Variants in SNX6 observed in about 807,000 individuals in gnomAD.
SNX6 encodes the protein sorting nexin 6.
In SNX6, 34 loss-of-function variants were observed where a neutral mutation model predicts 63.0. That is an observed-to-expected ratio of 0.54 (90% CI 0.41 to 0.72). The LOEUF (loss-of-function observed/expected upper bound fraction) is 0.72. Ranked by LOEUF, SNX6 falls within the 30% of genes least tolerant of loss-of-function variation. The pLI is 0.00. For synonymous variants in SNX6, 170 were observed against 164.2 expected (o/e 1.04, Z -0.27); for missense variants, 398 against 471.4 (o/e 0.84, Z 1.44).
At chr14:34,595,847 A>AT (rs1882574253) in intron 7 of SNX6, among the ~76,000 whole-genome samples, 1 of 152,126 alleles carries the variant, frequency 6.6e-6, no homozygotes, top group South Asian at 2.1e-4. Flanking sequence ...TAATATAAAC[A>AT]TTTTTCTCAT....
intron 10 of SNX6, among the ~76,000 whole-genome samples, chr14:34,579,175 T>G (rs1043433598): frequency 6.6e-6 from 1 of 151,988 alleles, no homozygotes; most frequent in African/African-American, 2.4e-5. Flanking sequence ...CCCTCCTAGT[T>G]ATATATACCC....
chr14:34,618,386 TG>T (rs1883504124), intron 2 of SNX6, among the ~76,000 whole-genome samples: 1 of 152,104 alleles, frequency 6.6e-6, no homozygotes, highest in Non-Finnish European at 1.5e-5. Flanking sequence ...AGTCTTGCTC[TG>T]TCGCCAAGGC....
intron 11 of SNX6, among the ~76,000 whole-genome samples, chr14:34,574,619 CAAAAA>C (rs33959613): frequency 1.3e-5 from 1 of 79,438 alleles, no homozygotes; most frequent in Non-Finnish European, 2.5e-5. Context: ...GACTCCATCT[CAAAAA>C]AAAAAAAAAA....
At chr14:34,612,512 C>T (rs768631473) in intron 2 of SNX6, among the ~76,000 whole-genome samples, 1 of 152,042 alleles carries the variant, frequency 6.6e-6, no homozygotes, top group African/African-American at 2.4e-5. Flanking sequence ...TGGCTCACTA[C>T]AACCTCCGCC....
Position 34,599,664 on chromosome 14 carries a change from C to T in SNX6, c.517-2019G>A, listed in dbSNP as rs1400665382. On this transcript the variant is annotated intron_variant, in intron 6 of 13. Transcript: ENST00000362031. ...TGAAATGTGCCTGTAATCCCAGCTA[C>T]TCGGGAGGCTGAGGCTGGAGAATCG... 2.0e-5 allele frequency among the ~76,000 whole-genome samples: 3 copies of T among 150,870 alleles called. No homozygotes were observed. The Admixed American group carries it at 2.0e-4, about 10-fold the overall frequency.
rs1038753823 is a variant in SNX6, at chr14:34,621,896, T to C, written c.54+8011A>G. ...TTTGTTTTCTGAAAGGAAGCATCAATCTATCCTCAATATTAGAATAATCTA... is the reference window on the plus strand; with the variant it reads ...TTTGTTTTCTGAAAGGAAGCATCAACCTATCCTCAATATTAGAATAATCTA... On this transcript the variant is annotated intron_variant, in intron 2 of 13. Coordinates refer to ENST00000362031, the MANE Select transcript of SNX6 (RefSeq NM_152233.4). Among the ~76,000 whole-genome samples, 4 of 151,256 alleles carry C rather than the reference T, an allele frequency of 2.6e-5. 1 individual carries two copies. Among genetic ancestry groups the C allele is most frequent in the South Asian group, 4.2e-4 (2 of 4,792 alleles).
chr14:34,569,093 C>T, intron 11 of SNX6: 3 of 999,274 alleles, frequency 3.0e-6, no homozygotes, highest in Middle Eastern at 3.1e-4. Context: ...CTGATGAACT[C>T]CTGCTGGTTC....
chr14:34,589,222 AG>A (rs2138312448), intron 8 of SNX6, among the ~76,000 whole-genome samples: 1 of 150,726 alleles, frequency 6.6e-6, no homozygotes, highest in South Asian at 2.1e-4. Context: ...TTGGGGGCCG[AG>A]GTGGGCAGAT....
chr14:34,627,955 A>G (rs1159185014), intron 2 of SNX6, among the ~76,000 whole-genome samples: 4 of 152,230 alleles, frequency 2.6e-5, no homozygotes, highest in Admixed American at 6.5e-5. Flanking sequence ...TAGTAATTCT[A>G]TATGATGCTT....
chr14:34,607,908 AAAAAC>A (rs758075089), intron 4 of SNX6, 117 bp downstream of exon 4: 52 of 527,838 alleles, frequency 9.9e-5, no homozygotes, highest in Admixed American at 2.6e-4. Flanking sequence ...ACTCCATCTC[AAAAAC>A]AAAACAAAAC....
At chr14:34,575,922 GTTTT>G (rs1382665388) in intron 10 of SNX6, 80 bp from the exon 11 acceptor site, 1 of 696,616 alleles carries the variant, frequency 1.4e-6, no homozygotes, top group South Asian at 1.8e-5. Context: ...TGTTGTTGTT[GTTTT>G]TTTGTTTTTT....
intron 4 of SNX6, among the ~76,000 whole-genome samples, chr14:34,607,736 T>C (rs1278375508): frequency 1.3e-5 from 2 of 152,038 alleles, no homozygotes; most frequent in Admixed American, 1.3e-4. Context: ...GGTGAAACCC[T>C]GTCTCTACTA....
rs369547620 is a variant in SNX6, at chr14:34,593,095, C to T, written c.668G>A (p.Arg223Gln). The T allele has an allele frequency of 3.7e-6, 6 of 1,609,204 alleles. No homozygotes were observed. Among genetic ancestry groups the T allele is most frequent in the African/African-American group, 2.7e-5 (2 of 74,730 alleles). ...AGATTTAGCAGATGCATCCTTAACT[C>T]GGTTATGATACTCCAAAAGAAATGT... Reference protein sequence around the residue: ...ERTFLLEYHNRVKDASAKSDR... With the variant: ...ERTFLLEYHNQVKDASAKSDR... Residue 223 changes from arginine to glutamine, a missense_variant, in exon 8 of 14, where the codon CGA becomes CAA. By Grantham distance (43) the Arg-to-Gln change is conservative. Transcript: ENST00000362031.
intron 2 of SNX6, 24 bp downstream of exon 2, chr14:34,629,883 G>A: frequency 6.4e-7 from 1 of 1,553,844 alleles, no homozygotes. Flanking sequence ...AGGGTCCCGC[G>A]AGCGAAAGGA....
chr14:34,627,201 C>G (rs1443455323), intron 2 of SNX6, among the ~76,000 whole-genome samples: 2 of 152,124 alleles, frequency 1.3e-5, no homozygotes, highest in Non-Finnish European at 2.9e-5. Flanking sequence ...AATCCCAGCA[C>G]TTTGGGAGGC....
chr14:34,618,432 C>T (rs1157020541), intron 2 of SNX6, among the ~76,000 whole-genome samples: 4 of 152,104 alleles, frequency 2.6e-5, no homozygotes, highest in Non-Finnish European at 4.4e-5. Flanking sequence ...CTCACTGCAA[C>T]CTCTGCCTTT....
chr14:34,581,447 G>A, intron 10 of SNX6, 114 bp downstream of exon 10: 1 of 573,034 alleles, frequency 1.7e-6, no homozygotes, highest in South Asian at 2.9e-5. Context: ...CCACGTGCCT[G>A]GCCAATAGTG....
chr14:34,582,680 G>C (rs1302544942), intron 9 of SNX6, among the ~76,000 whole-genome samples: 1 of 152,012 alleles, frequency 6.6e-6, no homozygotes, highest in African/African-American at 2.4e-5. Context: ...TAAGTAGCTG[G>C]CATTACAGGT....
chr14:34,592,357 C>A (rs1882428675), intron 8 of SNX6, among the ~76,000 whole-genome samples: 1 of 152,028 alleles, frequency 6.6e-6, no homozygotes, highest in Non-Finnish European at 1.5e-5. Flanking sequence ...CCGCTGCACT[C>A]CAGCCTGGGC....
Sources: allele counts gnomAD v4.1 joint callset (sites outside exome capture counted in the v4.1 genomes callset), GRCh38; gene constraint gnomAD v4.1.1; transcripts MANE v1.5; gene names NCBI Gene and HGNC (gene_info 2026-07-23, HGNC 2026-07-21).